The following CNTNAP2 variants were observed in gnomAD, a reference collection of about 807,000 sequenced individuals.
CNTNAP2 encodes the protein contactin-associated protein-like 2.
Under a neutral mutation model 155.2 loss-of-function variants are expected in CNTNAP2, and 98 were observed. The observed-to-expected ratio is 0.63, with a 90% CI of 0.54 to 0.75. CNTNAP2 has a LOEUF of 0.75. Ranked by LOEUF, CNTNAP2 falls within the 30% of genes least tolerant of loss-of-function variation. CNTNAP2 has a pLI of 0.00. For synonymous variants in CNTNAP2, 651 were observed against 631.2 expected (o/e 1.03, Z -0.47); for missense variants, 1,727 against 1,688.1 (o/e 1.02, Z -0.40).
chr7:147,892,034 CTT>C (rs1437023065), intron 13 of CNTNAP2, among the ~76,000 whole-genome samples: 1 of 151,790 alleles, frequency 6.6e-6, no homozygotes, highest in African/African-American at 2.4e-5. Flanking sequence ...GGAGAAAAAA[CTT>C]TTATCATTTT....
intron 17 of CNTNAP2, among the ~76,000 whole-genome samples, chr7:148,162,521 C>T (rs1277274730): frequency 6.6e-6 from 1 of 152,204 alleles, no homozygotes; most frequent in Non-Finnish European, 1.5e-5. Flanking sequence ...AAGCCCATAA[C>T]TGCCTTGGTT....
chr7:146,538,552 C>T (rs1186084084), intron 1 of CNTNAP2, among the ~76,000 whole-genome samples: 1 of 152,018 alleles, frequency 6.6e-6, no homozygotes, highest in Non-Finnish European at 1.5e-5. Flanking sequence ...CATTCTGCTG[C>T]CCCAAGCAAT....
rs560606305 is a variant in CNTNAP2 at position 147,734,909 on chromosome 7, T to C, written c.2098+95603T>C. On this transcript the variant is annotated intron_variant, in intron 13 of 23. Coordinates refer to ENST00000361727, the MANE Select transcript of CNTNAP2 (RefSeq NM_014141.6). The stretch of plus-strand genomic sequence containing the variant: ...GTGTCTATTTGATTCTTCTCTCTTT[T>C]CTTCTTTATTAGTCTTGCTAGCGGT... Among the ~76,000 whole-genome samples the C allele has an allele frequency of 7.1e-4, 108 of 152,274 alleles. 1 individual carries two copies. Among genetic ancestry groups the C allele is most frequent in the African/African-American group, 2.5e-3 (104 of 41,558 alleles).
At chr7:146,985,407 T>C (rs1798097947) in intron 3 of CNTNAP2, among the ~76,000 whole-genome samples, 1 of 147,830 alleles carries the variant, frequency 6.8e-6, no homozygotes, top group South Asian at 2.1e-4. Context: ...AAGCTCCGCC[T>C]CCTGGGTTCA....
At chr7:147,542,428 G>A (rs1410944227) in intron 11 of CNTNAP2, among the ~76,000 whole-genome samples, 3 of 152,156 alleles carry the variant, frequency 2.0e-5, no homozygotes, top group African/African-American at 7.2e-5. Context: ...CGGACTAGCT[G>A]TGTGACTTTG....
At chr7:147,095,385 C>T (rs552471759) in intron 4 of CNTNAP2, among the ~76,000 whole-genome samples, 3 of 151,998 alleles carry the variant, frequency 2.0e-5, no homozygotes, top group Admixed American at 6.5e-5. Flanking sequence ...AGGACTTCAC[C>T]ATCATAACCT....
chr7:147,099,699 G>A lies in CNTNAP2; in HGVS notation c.551-8448G>A, dbSNP rs116709375. On this transcript the variant is annotated intron_variant, in intron 4 of 23. Coordinates refer to ENST00000361727, the MANE Select transcript of CNTNAP2 (RefSeq NM_014141.6). The stretch of plus-strand genomic sequence containing the variant: ...ACTGAATAGAGATTTTAAAAATTCC[G>A]AAATAAATGTTGGGAATAATTTAAA... Among the ~76,000 whole-genome samples the A allele has an allele frequency of 7.9e-3, 1,199 of 152,212 alleles. 9 individuals are homozygous for A. Among genetic ancestry groups the A allele is most frequent in the African/African-American group, 0.027 (1,121 of 41,542 alleles).
At chr7:148,366,609 G>A (rs758414717) in intron 21 of CNTNAP2, among the ~76,000 whole-genome samples, 3 of 152,136 alleles carry the variant, frequency 2.0e-5, no homozygotes, top group Admixed American at 6.5e-5. Flanking sequence ...ATAGCATCAC[G>A]GCTAAAGAAA....
intron 3 of CNTNAP2, among the ~76,000 whole-genome samples, chr7:146,910,980 C>T (rs1296661738): frequency 6.6e-6 from 1 of 151,268 alleles, no homozygotes; most frequent in East Asian, 1.9e-4. Flanking sequence ...ACAACCCCAT[C>T]AAAAAGTGGG....
At chr7:146,970,982 A>G (rs1215528067) in intron 3 of CNTNAP2, among the ~76,000 whole-genome samples, 4 of 152,162 alleles carry the variant, frequency 2.6e-5, no homozygotes, top group African/African-American at 7.2e-5. Flanking sequence ...AACACTGCAT[A>G]TTCTCACTCA....
intron 11 of CNTNAP2, among the ~76,000 whole-genome samples, chr7:147,532,901 C>T (rs1237798649): frequency 6.6e-6 from 1 of 152,172 alleles, no homozygotes. Flanking sequence ...TGTGGGAATT[C>T]TGGGAGATAC....
intron 10 of CNTNAP2, among the ~76,000 whole-genome samples, chr7:147,474,518 G>A (rs1231530764): frequency 6.6e-6 from 1 of 152,124 alleles, no homozygotes; most frequent in Non-Finnish European, 1.5e-5. Context: ...AGGAGGTGGA[G>A]GTTGCAGTGA....
chr7:146,915,163 T>TGG (rs1796368662), intron 3 of CNTNAP2, among the ~76,000 whole-genome samples: 1 of 152,136 alleles, frequency 6.6e-6, no homozygotes, highest in South Asian at 2.1e-4. Context: ...CTCTATTCTG[T>TGG]GGTCTACATG....
At chr7:147,751,869 A>C (rs1449942267) in intron 13 of CNTNAP2, among the ~76,000 whole-genome samples, 1 of 152,144 alleles carries the variant, frequency 6.6e-6, no homozygotes, top group African/African-American at 2.4e-5. Flanking sequence ...TTTAATCCTT[A>C]CACTTGACTG....
intron 13 of CNTNAP2, among the ~76,000 whole-genome samples, chr7:147,771,357 G>A (rs1797465980): frequency 6.6e-6 from 1 of 152,190 alleles, no homozygotes; most frequent in Non-Finnish European, 1.5e-5. Flanking sequence ...ATGAAAAGAT[G>A]CTACAAATAA....
intron 1 of CNTNAP2, among the ~76,000 whole-genome samples, chr7:146,184,501 A>C (rs1798595602): frequency 6.6e-6 from 1 of 152,214 alleles, no homozygotes; most frequent in African/African-American, 2.4e-5. Context: ...TTAAATGATA[A>C]GAGCTAAGAG....
chr7:147,700,127 T>C (rs1368393703), intron 13 of CNTNAP2, among the ~76,000 whole-genome samples: 1 of 152,188 alleles, frequency 6.6e-6, no homozygotes, highest in African/African-American at 2.4e-5. Context: ...TAGTCCTAAG[T>C]GGGGCTGAAA....
intron 1 of CNTNAP2, among the ~76,000 whole-genome samples, chr7:146,670,071 G>A (rs2129167845): frequency 6.6e-6 from 1 of 152,186 alleles, no homozygotes; most frequent in South Asian, 2.1e-4. Flanking sequence ...TGTCCTTTTT[G>A]ATATTTTAGT....
In CNTNAP2 at chr7:146,721,875, G is replaced by GTGTATATATA. The variant is rs1332551916; in HGVS notation, c.98-52395_98-52394insGTATATATAT. The stretch of plus-strand genomic sequence containing the variant: ...TACATTTATATGTGTGTGTGTGTGT[G>GTGTATATATA]TATATATATATATATTTTTTTTTTT... On this transcript the variant is annotated intron_variant, in intron 1 of 23. Coordinates refer to ENST00000361727, the MANE Select transcript of CNTNAP2 (RefSeq NM_014141.6). Among the ~76,000 whole-genome samples the GTGTATATATA allele has an allele frequency of 9.1e-5, 7 of 76,650 alleles. No individual in the cohort carries two copies. The African/African-American group carries it at 1.1e-3, about 12-fold the overall frequency. The allele number at this position is 76,650 out of a possible 152,430, so 50.3% of individuals were successfully genotyped here.
Sources: allele counts gnomAD v4.1 joint callset (sites outside exome capture counted in the v4.1 genomes callset), GRCh38; gene constraint gnomAD v4.1.1; transcripts MANE v1.5; gene names NCBI Gene and HGNC (gene_info 2026-07-23, HGNC 2026-07-21).